Variants in FRMD4A observed in about 807,000 individuals in gnomAD.
The protein encoded by FRMD4A is FERM domain-containing protein 4A.
A neutral mutation model predicts 129.1 loss-of-function variants in FRMD4A; 29 were observed. The observed-to-expected ratio is 0.22, with a 90% CI of 0.17 to 0.31. FRMD4A has a LOEUF of 0.31. Ranked by LOEUF, FRMD4A falls within the 10% of genes least tolerant of loss-of-function variation. FRMD4A has a pLI of 1.00. For missense variants in FRMD4A, 1,272 were observed against 1,375.8 expected (o/e 0.92, Z 1.19); for synonymous variants, 634 against 571.6 (o/e 1.11, Z -1.56).
At position 13,750,101 on chromosome 10, in the gene FRMD4A, A is replaced by G. The variant is rs11258575; in HGVS notation, c.465-2282T>C. 5.6e-4 allele frequency among the ~76,000 whole-genome samples: 63 copies of G among 112,014 alleles called. 1 individual carries two copies. Among genetic ancestry groups the G allele is most frequent in the South Asian group, 2.0e-3 (6 of 2,948 alleles). The allele number at this position is 112,014 out of a possible 152,430, so 73.5% of individuals were successfully genotyped here. On this transcript the variant is annotated intron_variant, in intron 8 of 24. Coordinates refer to ENST00000357447, the MANE Select transcript of FRMD4A (RefSeq NM_018027.5). ...GAAAGAAAGAAAGAAAGAAAGAAAGAAAGAAATGAAGAAAGAAAGAAAGAA... is the reference window on the plus strand; with the variant it reads ...GAAAGAAAGAAAGAAAGAAAGAAAGGAAGAAATGAAGAAAGAAAGAAAGAA...
intron 3 of FRMD4A, among the ~76,000 whole-genome samples, chr10:13,840,737 G>C (rs2093949829): frequency 7.0e-6 from 1 of 143,064 alleles, no homozygotes; most frequent in Admixed American, 7.4e-5. Flanking sequence ...GCAGTGAGCT[G>C]AGATTGCACC....
At chr10:13,818,011 A>G (rs1026963785) in intron 3 of FRMD4A, among the ~76,000 whole-genome samples, 8 of 152,180 alleles carry the variant, frequency 5.3e-5, no homozygotes. Flanking sequence ...TCACTTATAT[A>G]TTATGCCACC....
At chr10:14,227,243 CTTT>C (rs10674411) in intron 2 of FRMD4A, among the ~76,000 whole-genome samples, 85 of 64,110 alleles carry the variant, frequency 1.3e-3, no homozygotes, top group East Asian at 5.4e-3. Flanking sequence ...TCTTCTTCTT[CTTT>C]TTTTTTTTTT....
intron 2 of FRMD4A, among the ~76,000 whole-genome samples, chr10:14,149,465 A>G (rs1336982482): frequency 6.6e-6 from 1 of 151,950 alleles, no homozygotes; most frequent in East Asian, 1.9e-4. Flanking sequence ...TCAGCCTCCA[A>G]AGTAGCTGGA....
chr10:13,698,174 C>A (rs998481688), intron 14 of FRMD4A, among the ~76,000 whole-genome samples: 3 of 152,046 alleles, frequency 2.0e-5, no homozygotes, highest in African/African-American at 7.3e-5. Context: ...AAGAAAAAAC[C>A]CGAGTGTCAG....
At chr10:13,649,684 T>TC (rs1435362566) in intron 24 of FRMD4A, 2 of 152,244 alleles carry the variant, frequency 1.3e-5, no homozygotes, top group Non-Finnish European at 2.9e-5. Context: ...CATGTATTGG[T>TC]CTTTTATTCT....
chr10:14,287,731 C>T (rs943020940), intron 2 of FRMD4A, among the ~76,000 whole-genome samples: 12 of 152,200 alleles, frequency 7.9e-5, no homozygotes, highest in African/African-American at 2.9e-4. Context: ...ATAAACCTAA[C>T]TTGCTACTCA....
chr10:13,680,164 C>A (rs531099884), intron 15 of FRMD4A, among the ~76,000 whole-genome samples: 1 of 152,250 alleles, frequency 6.6e-6, no homozygotes, highest in African/African-American at 2.4e-5. Flanking sequence ...ATGGGACTGT[C>A]AAAAACTAAA....
At chr10:14,200,851 C>T (rs908488488) in intron 2 of FRMD4A, among the ~76,000 whole-genome samples, 3 of 152,042 alleles carry the variant, frequency 2.0e-5, no homozygotes, top group African/African-American at 7.2e-5. Flanking sequence ...CGGTAGGGGG[C>T]GTGGGAGGGA....
intron 3 of FRMD4A, among the ~76,000 whole-genome samples, chr10:13,826,135 C>A (rs1431875772): frequency 6.6e-6 from 1 of 152,176 alleles, no homozygotes; most frequent in Non-Finnish European, 1.5e-5. Context: ...TCACAAGGGA[C>A]CTGGTACATG....
chr10:13,745,388 C>G (rs1434442092), intron 9 of FRMD4A, among the ~76,000 whole-genome samples: 1 of 152,126 alleles, frequency 6.6e-6, no homozygotes, highest in Non-Finnish European at 1.5e-5. Context: ...GACTGTGATA[C>G]ACGTGGCTCC....
intron 2 of FRMD4A, among the ~76,000 whole-genome samples, chr10:14,146,481 C>T (rs926299541): frequency 2.6e-5 from 4 of 152,128 alleles, no homozygotes; most frequent in African/African-American, 4.8e-5. Context: ...CATTTTGATC[C>T]CCTCTCTGTT....
chr10:14,094,685 T>C (rs1440238449), intron 2 of FRMD4A, among the ~76,000 whole-genome samples: 1 of 152,182 alleles, frequency 6.6e-6, no homozygotes, highest in East Asian at 1.9e-4. Context: ...GGGCATGCAG[T>C]TGGCAAGAGT....
At chr10:14,160,826 C>G (rs72778617) in intron 2 of FRMD4A, among the ~76,000 whole-genome samples, 3 of 152,246 alleles carry the variant, frequency 2.0e-5, no homozygotes, top group Non-Finnish European at 2.9e-5. Context: ...ATCATTTTAC[C>G]CCATTTAGAA....
chr10:13,711,145 A>G (rs2087976633), intron 12 of FRMD4A, among the ~76,000 whole-genome samples: 1 of 152,216 alleles, frequency 6.6e-6, no homozygotes, highest in Admixed American at 6.5e-5. Flanking sequence ...TGAAGGCAGT[A>G]GGGACCAGGA....
chr10:13,754,567 CGTGT>C (rs56304219), intron 8 of FRMD4A, among the ~76,000 whole-genome samples: 89,338 of 147,770 alleles, frequency 0.6, 27,133 homozygotes, highest in East Asian at 0.85. Flanking sequence ...ACAATTCTTT[CGTGT>C]GTGTGTGTGT....
At chr10:13,890,423 T>G (rs2094681473) in intron 2 of FRMD4A, 1 of 579,046 alleles carries the variant, frequency 1.7e-6, no homozygotes, top group Admixed American at 6.4e-5. Flanking sequence ...TGTCCCGGGC[T>G]CTCTGAGCGG....
intron 2 of FRMD4A, chr10:13,971,921 C>T (rs1041975346): frequency 3.7e-5 from 46 of 1,238,258 alleles, no homozygotes; most frequent in Non-Finnish European, 4.7e-5. Flanking sequence ...AAAATGCAGT[C>T]CAAATAACTC....
intron 2 of FRMD4A, among the ~76,000 whole-genome samples, chr10:13,925,033 C>T (rs2095114771): frequency 7.2e-6 from 1 of 137,932 alleles, no homozygotes; most frequent in Admixed American, 8.0e-5. Context: ...CACTGCACTC[C>T]AGCTCTGGTG....
Sources: allele counts gnomAD v4.1 joint callset (sites outside exome capture counted in the v4.1 genomes callset), GRCh38; gene constraint gnomAD v4.1.1; transcripts MANE v1.5; gene names NCBI Gene and HGNC (gene_info 2026-07-23, HGNC 2026-07-21).